Variants in MAP3K13 observed in about 807,000 individuals in gnomAD.
MAP3K13 encodes leucine zipper-bearing kinase.
Under a neutral mutation model 104.0 loss-of-function variants are expected in MAP3K13, and 52 were observed. The ratio of observed to expected loss-of-function variants is 0.50; its 90% CI spans 0.40 to 0.63. The LOEUF (loss-of-function observed/expected upper bound fraction) is 0.63. Ranked by LOEUF, MAP3K13 falls within the 20% of genes least tolerant of loss-of-function variation. The probability of loss-of-function intolerance (pLI) is 0.00; values close to 1 mark genes in which losing one functional copy is unlikely to be tolerated. For missense variants in MAP3K13, 914 were observed against 1,218.5 expected (o/e 0.75, Z 3.72); for synonymous variants, 394 against 442.2 (o/e 0.89, Z 1.37).
intron 13 of MAP3K13, among the ~76,000 whole-genome samples, chr3:185,480,983 T>A (rs941348168): frequency 7.2e-5 from 11 of 152,082 alleles, no homozygotes; most frequent in Non-Finnish European, 1.5e-4. Flanking sequence ...CAATTCAACA[T>A]GAGATTTGGG....
At chr3:185,360,952 G>A (rs1419815724), upstream of MAP3K13, among the ~76,000 whole-genome samples, 2 of 149,964 alleles carry the variant, frequency 1.3e-5, no homozygotes, top group East Asian at 4.0e-4. Context: ...TCAGCTTCCC[G>A]AGTAGCTGGG....
chr3:185,308,231 ATCTCC>A (rs1418954246), intron 2 of MAP3K13, among the ~76,000 whole-genome samples: 3 of 151,936 alleles, frequency 2.0e-5, no homozygotes, highest in Non-Finnish European at 4.4e-5. Context: ...ATGGGGTTGT[ATCTCC>A]TCTGAACTGT....
chr3:185,405,910 G>A (rs1186517567), intron 1 of MAP3K13, among the ~76,000 whole-genome samples: 1 of 152,244 alleles, frequency 6.6e-6, no homozygotes, highest in Non-Finnish European at 1.5e-5. Context: ...CATGTTTACT[G>A]AGTGAGGGAA....
chr3:185,342,703 G>A (rs1196687315), intron 2 of MAP3K13, among the ~76,000 whole-genome samples: 1 of 152,110 alleles, frequency 6.6e-6, no homozygotes, highest in African/African-American at 2.4e-5. Context: ...AAAGCAAGTT[G>A]TCTCTAGATG....
At chr3:185,306,418 T>A (rs1297899999) in intron 2 of MAP3K13, among the ~76,000 whole-genome samples, 1 of 152,256 alleles carries the variant, frequency 6.6e-6, no homozygotes, top group Non-Finnish European at 1.5e-5. Context: ...GTATTCTCTT[T>A]TCTCCACAGC....
intron 2 of MAP3K13, among the ~76,000 whole-genome samples, chr3:185,305,245 TTTGACACCTTTCTCAC>T (rs1721250687): frequency 6.6e-6 from 1 of 152,204 alleles, no homozygotes; most frequent in South Asian, 2.1e-4. Context: ...AGAGACATGC[TTTGACACCTTTCTCAC>T]TTTCTCTCGT....
At chr3:185,480,595 A>G in intron 13 of MAP3K13, 66 bp downstream of exon 13, 1 of 1,501,566 alleles carries the variant, frequency 6.7e-7, no homozygotes, top group Non-Finnish European at 9.0e-7. Context: ...TCAAGTCTCT[A>G]GGGCCTTTAC....
chr3:185,482,045 C>T lies in MAP3K13; in HGVS notation c.2800-310C>T, dbSNP rs1207241455. 2.0e-5 allele frequency among the ~76,000 whole-genome samples: 3 copies of T among 152,222 alleles called. No individual in the cohort carries two copies. Among genetic ancestry groups the T allele is most frequent in the Admixed American group, 1.3e-4 (2 of 15,282 alleles). On this transcript the variant is annotated intron_variant, in intron 13 of 13. Transcript: ENST00000265026. The surrounding 1 kb of genome is among the most constrained non-coding windows in gnomAD (Gnocchi z 4.5). ...GTTGCAGCGAGCCAAGATCGTGCCA[C>T]TGCACTCCAGCCTGGGCGACAGAGT...
At chr3:185,310,022 G>A (rs1478044873) in intron 2 of MAP3K13, among the ~76,000 whole-genome samples, 1 of 152,142 alleles carries the variant, frequency 6.6e-6, no homozygotes, top group Non-Finnish European at 1.5e-5. Flanking sequence ...CTGAGGGAGG[G>A]ACAAGGATGG....
Position 185,485,814 on chromosome 3 carries a change from G to C in MAP3K13, c.*3358G>C, listed in dbSNP as rs1316728520. 1 of 152,096 alleles carries C rather than the reference G, an allele frequency of 6.6e-6. No homozygotes were observed. Among genetic ancestry groups the C allele is most frequent in the Non-Finnish European group, 1.5e-5 (1 of 68,004 alleles). 9.4% of individuals were successfully genotyped at this position (152,096 alleles called of 1,614,324 possible). On this transcript the variant is annotated 3_prime_UTR_variant, in exon 14 of 14. Transcript: ENST00000265026. ...CTTGGAATGTATCCCCCAGAAATAAGGGAGGACTACCGTATATACATGTAG... is the reference window on the plus strand; with the variant it reads ...CTTGGAATGTATCCCCCAGAAATAACGGAGGACTACCGTATATACATGTAG...
intron 10 of MAP3K13, among the ~76,000 whole-genome samples, chr3:185,470,735 A>T (rs1717725829): frequency 6.6e-6 from 1 of 152,252 alleles, no homozygotes; most frequent in African/African-American, 2.4e-5. Context: ...AAATACTGTA[A>T]CATAACATCA....
intron 7 of MAP3K13, among the ~76,000 whole-genome samples, chr3:185,453,481 G>A (rs1039296138): frequency 5.9e-5 from 9 of 152,012 alleles, no homozygotes. Flanking sequence ...TTTTGGAGGG[G>A]CATCATCCCT....
chr3:185,383,526 C>T (rs2108761117), intron 1 of MAP3K13, among the ~76,000 whole-genome samples: 1 of 149,208 alleles, frequency 6.7e-6, no homozygotes, highest in South Asian at 2.1e-4. Flanking sequence ...CGTGCCACTG[C>T]ACTCCAGCCT....
chr3:185,351,127 C>G (rs533930938), intron 2 of MAP3K13, among the ~76,000 whole-genome samples: 1 of 152,184 alleles, frequency 6.6e-6, no homozygotes, highest in Admixed American at 6.5e-5. Context: ...CTAAACACCA[C>G]GTGTTCTCAC....
At chr3:185,395,475 C>T (rs1366210150) in intron 1 of MAP3K13, among the ~76,000 whole-genome samples, 1 of 102,106 alleles carries the variant, frequency 9.8e-6, no homozygotes, top group Non-Finnish European at 2.0e-5. Context: ...TCTCCTGCCT[C>T]AGCCTCCCAA....
chr3:185,289,341 CTTTT>C (rs1170388960), intron 2 of MAP3K13, among the ~76,000 whole-genome samples: 1 of 151,980 alleles, frequency 6.6e-6, no homozygotes, highest in East Asian at 1.9e-4. Flanking sequence ...ATCCTAAAAA[CTTTT>C]TTATAGTGTA....
intron 2 of MAP3K13, among the ~76,000 whole-genome samples, chr3:185,316,228 A>G (rs548187289): frequency 6.6e-6 from 1 of 152,216 alleles, no homozygotes; most frequent in Non-Finnish European, 1.5e-5. Flanking sequence ...ATATCCTTTC[A>G]GACATCTCTC....
At chr3:185,390,663 C>T (rs984494206) in intron 1 of MAP3K13, among the ~76,000 whole-genome samples, 1 of 138,344 alleles carries the variant, frequency 7.2e-6, no homozygotes, top group Non-Finnish European at 1.5e-5. Flanking sequence ...CTTGCTCTGT[C>T]GCCAGGCTGG....
chr3:185,288,323 T>C (rs1468288143), intron 2 of MAP3K13, among the ~76,000 whole-genome samples: 4 of 152,006 alleles, frequency 2.6e-5, no homozygotes, highest in Non-Finnish European at 4.4e-5. Flanking sequence ...TGTGTGTATA[T>C]ATGTGTGTAC....
Sources: allele counts gnomAD v4.1 joint callset (sites outside exome capture counted in the v4.1 genomes callset), GRCh38; gene constraint gnomAD v4.1.1; non-coding constraint Gnocchi (gnomAD v3.1); transcripts MANE v1.5; gene names NCBI Gene and HGNC (gene_info 2026-07-23, HGNC 2026-07-21).